STIM1: variants seen among roughly 807,000 people sequenced by gnomAD.
STIM1 encodes stromal interaction molecule 1.
In STIM1, 25 loss-of-function variants were observed where a neutral mutation model predicts 74.7. That is an observed-to-expected ratio of 0.33 (90% CI 0.24 to 0.47). The LOEUF is 0.47. STIM1 is among the 20% of genes least tolerant of loss of function. The pLI, the probability that STIM1 is intolerant of heterozygous loss-of-function variation, is 1.00. For missense variants in STIM1, 728 were observed against 920.8 expected (o/e 0.79, Z 2.71); for synonymous variants, 328 against 348.8 (o/e 0.94, Z 0.66).
intron 1 of STIM1, among the ~76,000 whole-genome samples, chr11:3,946,137 G>C (rs2093070128): frequency 6.6e-6 from 1 of 152,222 alleles, no homozygotes; most frequent in African/African-American, 2.4e-5. Flanking sequence ...GGTTGGAACA[G>C]CAGGCGCTGG....
At chr11:3,945,268 A>G (rs1334008246) in intron 1 of STIM1, among the ~76,000 whole-genome samples, 9 of 152,170 alleles carry the variant, frequency 5.9e-5, no homozygotes, top group Non-Finnish European at 1.0e-4. Flanking sequence ...TGCCTGGCAT[A>G]TGGTAAGCAT....
At chr11:3,976,419 G>A (rs944549014) in intron 2 of STIM1, among the ~76,000 whole-genome samples, 21 of 152,206 alleles carry the variant, frequency 1.4e-4, no homozygotes, top group Non-Finnish European at 2.8e-4. Context: ...AAGCATGGAG[G>A]AAGTTTTTGG....
At chr11:3,985,549 A>G (rs1005356656) in intron 2 of STIM1, among the ~76,000 whole-genome samples, 2 of 152,228 alleles carry the variant, frequency 1.3e-5, no homozygotes, top group African/African-American at 4.8e-5. Flanking sequence ...TATAGGACAC[A>G]GGACCTGGAA....
At chr11:4,068,311 G>T (rs1489244185) in intron 5 of STIM1, among the ~76,000 whole-genome samples, 1 of 152,200 alleles carries the variant, frequency 6.6e-6, no homozygotes, top group Non-Finnish European at 1.5e-5. Context: ...CCCACCTTAA[G>T]TATTTGAGGT....
intron 1 of STIM1, among the ~76,000 whole-genome samples, chr11:3,882,256 C>T (rs553311908): frequency 4.0e-4 from 60 of 151,804 alleles, no homozygotes; most frequent in Non-Finnish European, 7.8e-4. Context: ...TGCGCCACCA[C>T]GCCCAGCTAA....
chr11:3,982,776 A>G (rs2093518944), intron 2 of STIM1, among the ~76,000 whole-genome samples: 1 of 152,186 alleles, frequency 6.6e-6, no homozygotes, highest in African/African-American at 2.4e-5. Flanking sequence ...TAGTATGTGA[A>G]TTAAATCTCA....
chr11:4,089,716 C>T (rs2094512582), intron 12 of STIM1, among the ~76,000 whole-genome samples: 1 of 152,190 alleles, frequency 6.6e-6, no homozygotes, highest in Admixed American at 6.5e-5. Context: ...AGCTATGAGC[C>T]AACCCCCTGC....
At position 4,083,263 on chromosome 11, in the gene STIM1, G is replaced by A; in HGVS notation, c.1239G>A (p.Lys413=). The change falls in exon 10 of 13, where the codon AAG becomes AAA. Residue 413 remains lysine (K), a splice_region_variant and synonymous_variant. Transcript: ENST00000526596. ...GCAGTTCTCTTTCCTCTGTCTTCAG[G>A]CAAGCACTGAGCGAGGTGACAGCAG... The part of the protein sequence containing the change: ...DDVDHKILTA[K]QALSEVTAAL... The A allele has an allele frequency of 6.2e-7, 1 of 1,614,058 alleles. No individual in the cohort carries two copies. The highest frequency in any genetic ancestry group is 1.1e-5 in the South Asian group (1 of 91,080).
At chr11:3,928,542 A>G (rs1033627503) in intron 1 of STIM1, among the ~76,000 whole-genome samples, 3 of 151,952 alleles carry the variant, frequency 2.0e-5, no homozygotes, top group African/African-American at 7.3e-5. Context: ...TCTGTTTTTT[A>G]AACTCACTTG....
rs368244824 is a variant in STIM1, at chr11:4,015,440, T to A, written c.271-8433T>A. Among the ~76,000 whole-genome samples, 696 of 152,318 alleles carry A rather than the reference T, an allele frequency of 4.6e-3. 4 individuals carry two copies. The highest frequency in any genetic ancestry group is 0.016 in the African/African-American group (663 of 41,560). On this transcript the variant is annotated intron_variant, in intron 2 of 12. Transcript: ENST00000526596. ...TGTTAGTCTGATGGGCTTCCCTTTG[T>A]GGGTAACCCGACCTCTCTCTCTGGC...
At chr11:3,949,305 CA>C (rs1402286357) in intron 1 of STIM1, among the ~76,000 whole-genome samples, 1 of 152,096 alleles carries the variant, frequency 6.6e-6, no homozygotes, top group Non-Finnish European at 1.5e-5. Context: ...TACAAAGCCA[CA>C]AAGTGAGCCT....
chr11:4,026,686 T>C (rs1439431309), intron 3 of STIM1, among the ~76,000 whole-genome samples: 2 of 152,242 alleles, frequency 1.3e-5, no homozygotes, highest in African/African-American at 4.8e-5. Context: ...CCTATACTTA[T>C]GATTACAATT....
chr11:4,014,798 C>T (rs1051210343), intron 2 of STIM1, among the ~76,000 whole-genome samples: 2 of 152,006 alleles, frequency 1.3e-5, no homozygotes, highest in Non-Finnish European at 2.9e-5. Context: ...CCTTTACCAT[C>T]ATGTAATGGC....
intron 3 of STIM1, among the ~76,000 whole-genome samples, chr11:4,048,520 G>A (rs543288709): frequency 4.8e-4 from 73 of 152,176 alleles, no homozygotes; most frequent in Admixed American, 8.5e-4. Flanking sequence ...GGTACCATGT[G>A]ATGACTCATT....
intron 7 of STIM1, among the ~76,000 whole-genome samples, chr11:4,075,315 T>C (rs533656759): frequency 1.3e-5 from 2 of 152,340 alleles, no homozygotes; most frequent in South Asian, 4.1e-4. Context: ...CATATGCATG[T>C]ACCTGTGTTA....
chr11:3,891,517 TC>T (rs1397809475), intron 1 of STIM1, among the ~76,000 whole-genome samples: 1 of 152,156 alleles, frequency 6.6e-6, no homozygotes, highest in African/African-American at 2.4e-5. Flanking sequence ...ACTCCTGACT[TC>T]AGGCGATCTT....
intron 1 of STIM1, among the ~76,000 whole-genome samples, chr11:3,896,455 T>C (rs2092179252): frequency 6.6e-6 from 1 of 152,240 alleles, no homozygotes; most frequent in African/African-American, 2.4e-5. Context: ...TCAGAACCCA[T>C]GTCTTTTCAT....
chr11:4,007,335 T>G (rs1467658005), intron 2 of STIM1, among the ~76,000 whole-genome samples: 1 of 152,212 alleles, frequency 6.6e-6, no homozygotes, highest in African/African-American at 2.4e-5. Context: ...AAAAGCTGCC[T>G]GTTTAGCTTT....
chr11:3,962,581 A>G (rs1007568436), intron 1 of STIM1, among the ~76,000 whole-genome samples: 2 of 151,980 alleles, frequency 1.3e-5, no homozygotes, highest in African/African-American at 4.8e-5. Context: ...AGTGGTGGCT[A>G]TCTCTTTATA....
Sources: gnomAD v4.1 joint callset for allele counts (sites outside exome capture counted in the v4.1 genomes callset) on GRCh38, gnomAD v4.1.1 for gene constraint, MANE v1.5 for transcripts, NCBI Gene and HGNC (gene_info 2026-07-23, HGNC 2026-07-21) for gene names.